SLC8A1: variants seen among roughly 807,000 people sequenced by gnomAD.
The protein encoded by SLC8A1 is sodium/calcium exchanger 1.
Under a neutral mutation model 68.3 loss-of-function variants are expected in SLC8A1, and 18 were observed. That is an observed-to-expected ratio of 0.26 (90% CI 0.18 to 0.39). The LOEUF is 0.39. Ranked by LOEUF, SLC8A1 falls within the 10% of genes least tolerant of loss-of-function variation. The pLI is 1.00. For synonymous variants in SLC8A1, 475 were observed against 415.5 expected (o/e 1.14, Z -1.74); for missense variants, 985 against 1,156.7 (o/e 0.85, Z 2.15).
intron 2 of SLC8A1, among the ~76,000 whole-genome samples, chr2:40,377,488 A>G (rs1379440332): frequency 2.0e-5 from 3 of 152,056 alleles, no homozygotes; most frequent in South Asian, 2.1e-4. Context: ...TGCACCAACA[A>G]AAAGCTAATA....
At chr2:40,295,721 T>G (rs1181225498) in intron 2 of SLC8A1, among the ~76,000 whole-genome samples, 1 of 152,174 alleles carries the variant, frequency 6.6e-6, no homozygotes, top group Non-Finnish European at 1.5e-5. Context: ...ATAGTGATAA[T>G]GTGATTGAAA....
intron 2 of SLC8A1, among the ~76,000 whole-genome samples, chr2:40,343,827 G>C (rs1470313050): frequency 6.6e-6 from 1 of 152,080 alleles, no homozygotes; most frequent in South Asian, 2.1e-4. Context: ...TGAATCAAAG[G>C]CTAACTCCCA....
chr2:40,415,442 A>G (rs1331561048), intron 2 of SLC8A1, among the ~76,000 whole-genome samples: 1 of 150,486 alleles, frequency 6.6e-6, no homozygotes, highest in East Asian at 1.9e-4. Flanking sequence ...AAAAAAAAAG[A>G]AAACTGCCAA....
At chr2:40,471,865 C>G (rs1403690698) in intron 1 of SLC8A1, among the ~76,000 whole-genome samples, 2 of 152,172 alleles carry the variant, frequency 1.3e-5, no homozygotes, top group Non-Finnish European at 2.9e-5. Flanking sequence ...ATTTCTATAT[C>G]ATGCTGGCAA....
At chr2:40,395,750 AAAAGAT>A (rs1490765289) in intron 2 of SLC8A1, among the ~76,000 whole-genome samples, 1 of 152,142 alleles carries the variant, frequency 6.6e-6, no homozygotes, top group Non-Finnish European at 1.5e-5. Flanking sequence ...ATGGGAAAGG[AAAAGAT>A]AGGGATATAG....
chr2:40,150,457 C>T (rs946726131), intron 6 of SLC8A1, among the ~76,000 whole-genome samples: 15 of 152,126 alleles, frequency 9.9e-5, no homozygotes, highest in African/African-American at 2.9e-4. Context: ...CAAAGGCTCC[C>T]GACTGGGGAT....
chr2:40,432,329 A>C (rs371536500), intron 1 of SLC8A1, among the ~76,000 whole-genome samples: 2 of 151,330 alleles, frequency 1.3e-5, no homozygotes, highest in East Asian at 2.0e-4. Context: ...AAATATAAAT[A>C]TCAGAAGGTT....
At chr2:40,309,298 T>C (rs1287744675) in intron 2 of SLC8A1, among the ~76,000 whole-genome samples, 1 of 152,140 alleles carries the variant, frequency 6.6e-6, no homozygotes, top group Non-Finnish European at 1.5e-5. Context: ...CAGCTTCCTG[T>C]TGCTGCTATC....
intron 2 of SLC8A1, among the ~76,000 whole-genome samples, chr2:40,309,427 A>T (rs1169927478): frequency 6.6e-6 from 1 of 152,122 alleles, no homozygotes; most frequent in Non-Finnish European, 1.5e-5. Flanking sequence ...GATCTCCCTA[A>T]AATTGGTTAC....
intron 2 of SLC8A1, among the ~76,000 whole-genome samples, chr2:40,339,405 C>T (rs2149402134): frequency 6.6e-6 from 1 of 152,270 alleles, no homozygotes; most frequent in Non-Finnish European, 1.5e-5. Context: ...AGTGGCAATC[C>T]AGTTACAGAG....
intron 2 of SLC8A1, among the ~76,000 whole-genome samples, chr2:40,284,038 ACT>A (rs922732883): frequency 2.0e-5 from 3 of 152,042 alleles, no homozygotes; most frequent in Non-Finnish European, 4.4e-5. Flanking sequence ...TTATGGAATG[ACT>A]CTGCAAATAT....
chr2:40,167,376 G>A (rs1014607736), intron 4 of SLC8A1, among the ~76,000 whole-genome samples: 4 of 151,944 alleles, frequency 2.6e-5, no homozygotes, highest in African/African-American at 9.7e-5. Flanking sequence ...CTTTCTATTT[G>A]TGGCAAACGA....
At chr2:40,195,034 T>C (rs558546968) in intron 2 of SLC8A1, among the ~76,000 whole-genome samples, 5 of 152,146 alleles carry the variant, frequency 3.3e-5, no homozygotes, top group Non-Finnish European at 5.9e-5. Flanking sequence ...ACAGGACAGA[T>C]GGCTGCTCAT....
intron 2 of SLC8A1, chr2:40,209,284 G>C (rs1193722159): frequency 6.6e-6 from 1 of 152,310 alleles, no homozygotes; most frequent in Non-Finnish European, 1.5e-5. Flanking sequence ...TAGCCATCTG[G>C]ATTATTTGAA....
intron 2 of SLC8A1, among the ~76,000 whole-genome samples, chr2:40,229,412 T>TA (rs34345192): frequency 2.6e-5 from 4 of 152,088 alleles, no homozygotes; most frequent in Non-Finnish European, 4.4e-5. Flanking sequence ...AGAAAACACT[T>TA]AAAAAAAATC....
chr2:40,286,130 T>C (rs150238072), intron 2 of SLC8A1, among the ~76,000 whole-genome samples: 2 of 152,306 alleles, frequency 1.3e-5, no homozygotes, highest in Admixed American at 6.5e-5. Context: ...AGCTAATAGA[T>C]GTCTGTCCAG....
At chr2:40,308,115 GACT>G (rs1337437467) in intron 2 of SLC8A1, among the ~76,000 whole-genome samples, 1 of 152,132 alleles carries the variant, frequency 6.6e-6, no homozygotes, top group African/African-American at 2.4e-5. Flanking sequence ...CCAATATACA[GACT>G]ACTAGAGAAT....
chr2:40,222,795 A>T (rs558752755), intron 2 of SLC8A1, among the ~76,000 whole-genome samples: 81 of 152,378 alleles, frequency 5.3e-4, no homozygotes, highest in African/African-American at 1.9e-3. Context: ...CATTAGAGAA[A>T]TGCAAATCAA....
chr2:40,099,132 C>T (rs2033746555), exon 8 of SLC8A1: 1 of 151,944 alleles, frequency 6.6e-6, no homozygotes, highest in Admixed American at 6.6e-5. Flanking sequence ...TGCTTAAGAT[C>T]ATAATTTCAA....
Sources: allele counts gnomAD v4.1 joint callset (sites outside exome capture counted in the v4.1 genomes callset), GRCh38; gene constraint gnomAD v4.1.1; transcripts MANE v1.5; gene names NCBI Gene and HGNC (gene_info 2026-07-23, HGNC 2026-07-21).